Variants in DOCK4 observed in about 807,000 individuals in gnomAD.
The protein encoded by DOCK4 is dedicator of cytokinesis 4, also known as dedicator of cytokinesis protein 4.
In DOCK4, 97 loss-of-function variants were observed where a neutral mutation model predicts 268.1. The ratio of observed to expected loss-of-function variants is 0.36; its 90% CI spans 0.31 to 0.43. The LOEUF (loss-of-function observed/expected upper bound fraction) is 0.43, where lower values mean the gene tolerates loss of function less well. Among genes scored for constraint, DOCK4 ranks in the 20% least tolerant of loss-of-function variants. DOCK4 has a pLI of 1.00. For missense variants in DOCK4, 2,145 were observed against 2,455.7 expected (o/e 0.87, Z 2.67); for synonymous variants, 954 against 887.2 (o/e 1.08, Z -1.34).
intron 42 of DOCK4, among the ~76,000 whole-genome samples, chr7:111,754,811 G>A (rs1008072977): frequency 6.6e-6 from 1 of 152,140 alleles, no homozygotes; most frequent in African/African-American, 2.4e-5. Flanking sequence ...TGGGAGCTGT[G>A]GTTACCAGGT....
chr7:111,881,596 T>C (rs1303798406), intron 16 of DOCK4, among the ~76,000 whole-genome samples: 1 of 151,808 alleles, frequency 6.6e-6, no homozygotes, highest in African/African-American at 2.4e-5. Context: ...AGAAAGGAAA[T>C]CAATATATCA....
chr7:112,156,578 T>C (rs1377017619), intron 1 of DOCK4, among the ~76,000 whole-genome samples: 1 of 152,250 alleles, frequency 6.6e-6, no homozygotes, highest in African/African-American at 2.4e-5. Context: ...CTACTTTCTA[T>C]GATGTAGTAT....
At chr7:112,066,710 T>TATATAC (rs1807076492) in intron 1 of DOCK4, among the ~76,000 whole-genome samples, 1 of 82,478 alleles carries the variant, frequency 1.2e-5, no homozygotes, top group Non-Finnish European at 2.5e-5. Flanking sequence ...TATATATATA[T>TATATAC]ATATATATAT....
chr7:112,061,008 G>A (rs1316997355), intron 1 of DOCK4, among the ~76,000 whole-genome samples: 2 of 152,118 alleles, frequency 1.3e-5, no homozygotes, highest in Non-Finnish European at 2.9e-5. Context: ...AAAAAGAGAT[G>A]TATTTGAGAT....
chr7:111,944,978 C>G (rs987559188), intron 9 of DOCK4, 107 bp from the exon 10 acceptor site: 15 of 863,250 alleles, frequency 1.7e-5, no homozygotes, highest in Middle Eastern at 4.4e-4. Context: ...CACAGACATT[C>G]TTAATGGAAT....
intron 6 of DOCK4, among the ~76,000 whole-genome samples, chr7:111,984,912 G>A (rs919330617): frequency 3.3e-5 from 5 of 152,158 alleles, no homozygotes; most frequent in African/African-American, 4.8e-5. Flanking sequence ...GAGGTCAGTC[G>A]TTAGGAGAAA....
At chr7:111,731,925 C>T (rs977677747) in intron 52 of DOCK4, among the ~76,000 whole-genome samples, 1 of 152,146 alleles carries the variant, frequency 6.6e-6, no homozygotes, top group Admixed American at 6.5e-5. Flanking sequence ...CTAGGAGGTA[C>T]ATTAGGACCA....
At chr7:112,186,342 TACTG>T (rs946913079) in intron 1 of DOCK4, among the ~76,000 whole-genome samples, 67 of 152,268 alleles carry the variant, frequency 4.4e-4, no homozygotes, top group African/African-American at 1.3e-3. Flanking sequence ...CACTACAACA[TACTG>T]ACTAAGAAAC....
intron 37 of DOCK4, among the ~76,000 whole-genome samples, chr7:111,769,310 C>CGAATCAGAATGGCTCATTCA (rs1257681191): frequency 1.3e-5 from 2 of 152,066 alleles, no homozygotes; most frequent in Non-Finnish European, 2.9e-5. Flanking sequence ...AGACAAGGCA[C>CGAATCAGAATGGCTCATTCA]GAATCAGAAT....
chr7:111,848,824 G>C (rs937437084), intron 23 of DOCK4, among the ~76,000 whole-genome samples: 1 of 152,084 alleles, frequency 6.6e-6, no homozygotes, highest in Non-Finnish European at 1.5e-5. Flanking sequence ...AGTATCAAAG[G>C]CTCCTCTCCC....
intron 8 of DOCK4, among the ~76,000 whole-genome samples, chr7:111,962,853 T>A (rs1177610917): frequency 6.6e-6 from 1 of 152,178 alleles, no homozygotes; most frequent in Non-Finnish European, 1.5e-5. Context: ...GGAAACCTCA[T>A]CTGTACTTAA....
chr7:111,944,899 T>C, intron 9 of DOCK4, 28 bp from the exon 10 acceptor site: 1 of 1,610,074 alleles, frequency 6.2e-7, no homozygotes, highest in Non-Finnish European at 8.5e-7. Context: ...TTGGTTATTT[T>C]GGAAGACATG....
At chr7:111,933,546 T>C (rs1450674956) in intron 12 of DOCK4, among the ~76,000 whole-genome samples, 1 of 151,882 alleles carries the variant, frequency 6.6e-6, no homozygotes, top group African/African-American at 2.4e-5. Flanking sequence ...CCACCCGCCT[T>C]GGCCTCCCAA....
intron 1 of DOCK4, among the ~76,000 whole-genome samples, chr7:112,100,810 G>T (rs1251283180): frequency 6.6e-6 from 1 of 152,106 alleles, no homozygotes; most frequent in East Asian, 1.9e-4. Context: ...TATGAATAAT[G>T]AAAGTTATAT....
chr7:111,926,491 AAAC>A (rs997555816), intron 12 of DOCK4, among the ~76,000 whole-genome samples: 4 of 148,840 alleles, frequency 2.7e-5, no homozygotes, highest in Admixed American at 6.7e-5. Flanking sequence ...AAAAAGAAAG[AAAC>A]AAAGAAAAAA....
intron 1 of DOCK4, among the ~76,000 whole-genome samples, chr7:112,054,522 T>G (rs1805648134): frequency 1.3e-5 from 2 of 151,974 alleles, no homozygotes; most frequent in African/African-American, 4.8e-5. Flanking sequence ...TAGAAAGCCC[T>G]AATGTTCTTC....
chr7:112,153,464 T>C (rs552840228), intron 1 of DOCK4, among the ~76,000 whole-genome samples: 33 of 152,294 alleles, frequency 2.2e-4, no homozygotes, highest in African/African-American at 7.9e-4. Context: ...AGGCTCATAC[T>C]CTGAGATGTA....
intron 10 of DOCK4, among the ~76,000 whole-genome samples, chr7:111,944,495 T>C (rs995278853): frequency 6.6e-6 from 1 of 152,142 alleles, no homozygotes; most frequent in Non-Finnish European, 1.5e-5. Context: ...CTAACAGAAA[T>C]TAGAATTTTA....
At chr7:112,063,562 A>G (rs1475854936) in intron 1 of DOCK4, among the ~76,000 whole-genome samples, 1 of 152,228 alleles carries the variant, frequency 6.6e-6, no homozygotes, top group Admixed American at 6.5e-5. Flanking sequence ...TCACTAACCC[A>G]GGAAAAGATC....
Sources: gnomAD v4.1 joint callset for allele counts (sites outside exome capture counted in the v4.1 genomes callset) on GRCh38, gnomAD v4.1.1 for gene constraint, MANE v1.5 for transcripts, NCBI Gene and HGNC (gene_info 2026-07-23, HGNC 2026-07-21) for gene names.